Variants in ASCC1 observed in about 807,000 individuals in gnomAD.
ASCC1 encodes ASC-1 complex subunit P50.
Under a neutral mutation model 46.6 loss-of-function variants are expected in ASCC1, and 35 were observed. The observed-to-expected ratio is 0.75, with a 90% CI of 0.57 to 0.99. The LOEUF (loss-of-function observed/expected upper bound fraction) is 0.99. Ranked by LOEUF, ASCC1 falls within the 50% of genes least tolerant of loss-of-function variation. ASCC1 has a pLI of 0.00. For missense variants in ASCC1, 376 were observed against 428.7 expected (o/e 0.88, Z 1.09); for synonymous variants, 143 against 146.6 (o/e 0.98, Z 0.18).
chr10:72,195,432 T>C (rs1047704286), intron 5 of ASCC1, among the ~76,000 whole-genome samples: 1 of 152,124 alleles, frequency 6.6e-6, no homozygotes, highest in Non-Finnish European at 1.5e-5. Flanking sequence ...ATTAGAGGCA[T>C]GAGCCAACAT....
intron 5 of ASCC1, among the ~76,000 whole-genome samples, chr10:72,171,158 C>T (rs1851027763): frequency 6.6e-6 from 1 of 152,212 alleles, no homozygotes; most frequent in African/African-American, 2.4e-5. Flanking sequence ...TTTAAAACTA[C>T]TTCCTGTATA....
intron 5 of ASCC1, among the ~76,000 whole-genome samples, chr10:72,193,489 A>C (rs1854877977): frequency 6.6e-6 from 1 of 151,736 alleles, no homozygotes; most frequent in Non-Finnish European, 1.5e-5. Flanking sequence ...CCACACACAC[A>C]CATGATAAAA....
chr10:72,132,765 A>G (rs893911218), intron 8 of ASCC1, among the ~76,000 whole-genome samples: 3 of 151,136 alleles, frequency 2.0e-5, no homozygotes, highest in Non-Finnish European at 4.4e-5. Flanking sequence ...ATTGCATGCG[A>G]CATACTTATG....
intron 6 of ASCC1, among the ~76,000 whole-genome samples, chr10:72,156,786 G>A (rs896894174): frequency 6.5e-4 from 89 of 137,302 alleles, no homozygotes; most frequent in East Asian, 1.3e-3. Flanking sequence ...AAAAAAAAAA[G>A]AAAAAAAAAA....
intron 4 of ASCC1, among the ~76,000 whole-genome samples, chr10:72,200,767 C>T (rs1039627281): frequency 1.3e-5 from 2 of 151,994 alleles, no homozygotes; most frequent in Non-Finnish European, 2.9e-5. Context: ...AAATTTTGCA[C>T]TTATAATTCT....
chr10:72,153,852 G>A (rs1054021387), intron 6 of ASCC1, among the ~76,000 whole-genome samples: 26 of 152,186 alleles, frequency 1.7e-4, no homozygotes, highest in African/African-American at 6.0e-4. Flanking sequence ...CTCCTGAGTA[G>A]CTGGGACTAC....
At chr10:72,106,685 C>A (rs1205358145) in intron 9 of ASCC1, among the ~76,000 whole-genome samples, 2 of 152,198 alleles carry the variant, frequency 1.3e-5, no homozygotes, top group African/African-American at 4.8e-5. Context: ...TTAAATAACA[C>A]CTTTCATCTA....
chr10:72,204,282 T>C (rs919524183), intron 3 of ASCC1: 207 of 967,468 alleles, frequency 2.1e-4, no homozygotes, highest in Non-Finnish European at 2.8e-4. Context: ...TTTTTTTCAA[T>C]AGAAAAATTA....
At chr10:72,214,335 T>C (rs1002871194) in intron 1 of ASCC1, among the ~76,000 whole-genome samples, 5 of 151,596 alleles carry the variant, frequency 3.3e-5, no homozygotes, top group African/African-American at 1.2e-4. Context: ...AATGCAAACT[T>C]CAGTGGTTAT....
At chr10:72,182,629 T>C (rs1852791794) in intron 5 of ASCC1, among the ~76,000 whole-genome samples, 1 of 152,054 alleles carries the variant, frequency 6.6e-6, no homozygotes, top group African/African-American at 2.4e-5. Flanking sequence ...AAGTCAATAA[T>C]ATAAAATTCA....
intron 7 of ASCC1, among the ~76,000 whole-genome samples, chr10:72,134,739 T>C (rs1845994022): frequency 6.6e-6 from 1 of 152,242 alleles, no homozygotes; most frequent in Admixed American, 6.5e-5. Flanking sequence ...CCCAGCCACC[T>C]GGGAACCAGC....
chr10:72,185,051 A>T (rs1174996492), intron 5 of ASCC1, among the ~76,000 whole-genome samples: 1 of 152,216 alleles, frequency 6.6e-6, no homozygotes, highest in African/African-American at 2.4e-5. Flanking sequence ...AGGGAAATGT[A>T]TATAAAAACC....
At chr10:72,162,936 C>G (rs934106296) in intron 5 of ASCC1, among the ~76,000 whole-genome samples, 2 of 123,664 alleles carry the variant, frequency 1.6e-5, no homozygotes, top group African/African-American at 1.2e-4. Flanking sequence ...AAGTGAGACT[C>G]TGTCTCAAAA....
chr10:72,202,019 G>A (rs1856567483), intron 4 of ASCC1, among the ~76,000 whole-genome samples: 1 of 152,104 alleles, frequency 6.6e-6, no homozygotes, highest in African/African-American at 2.4e-5. Flanking sequence ...GAAGGCTGAG[G>A]CAGGCAGATC....
chr10:72,192,709 G>A (rs1047499115), intron 5 of ASCC1, among the ~76,000 whole-genome samples: 4 of 152,070 alleles, frequency 2.6e-5, no homozygotes, highest in Admixed American at 1.3e-4. Flanking sequence ...GGCAAGGCTC[G>A]TCTCAAACTC....
At chr10:72,118,790 G>GA (rs1293912142) in intron 9 of ASCC1, among the ~76,000 whole-genome samples, 117 of 149,562 alleles carry the variant, frequency 7.8e-4, no homozygotes. Flanking sequence ...AAAAAAAAAA[G>GA]AAAAAAAAGA....
At chr10:72,133,205 T>C (rs1488032757) in intron 7 of ASCC1, 24 bp from the exon 8 acceptor site, 2 of 1,613,470 alleles carry the variant, frequency 1.2e-6, no homozygotes, top group Admixed American at 1.7e-5. Context: ...AGAAAAGTAA[T>C]GCAGAAATCT....
At chr10:72,161,724 T>G in intron 5 of ASCC1, 50 bp from the exon 6 acceptor site, 2 of 1,611,836 alleles carry the variant, frequency 1.2e-6, no homozygotes, top group Non-Finnish European at 1.7e-6. Context: ...CAAAGGCAAA[T>G]GGCAAGAATA....
chr10:72,126,274 G>A (rs1428635541), intron 9 of ASCC1, among the ~76,000 whole-genome samples: 1 of 152,154 alleles, frequency 6.6e-6, no homozygotes, highest in African/African-American at 2.4e-5. Context: ...ATTAAAGTGG[G>A]GAATTGGACT....
Sources: allele counts gnomAD v4.1 joint callset (sites outside exome capture counted in the v4.1 genomes callset), GRCh38; gene constraint gnomAD v4.1.1; transcripts MANE v1.5; gene names NCBI Gene and HGNC (gene_info 2026-07-23, HGNC 2026-07-21).